The following ADARB2 variants were observed in gnomAD, a reference collection of about 807,000 sequenced individuals.
ADARB2 encodes adenosine deaminase RNA specific B2 (inactive).
A neutral mutation model predicts 62.2 loss-of-function variants in ADARB2; 25 were observed. That is an observed-to-expected ratio of 0.40 (90% confidence interval 0.29 to 0.56). ADARB2 has a LOEUF of 0.56. ADARB2 is among the 20% of genes least tolerant of loss of function. ADARB2 has a pLI of 0.43. For synonymous variants in ADARB2, 572 were observed against 500.8 expected (o/e 1.14, Z -1.90); for missense variants, 1,071 against 1,077.4 (o/e 0.99, Z 0.08).
Position 1,608,888 on chromosome 10 carries a change from C to A in ADARB2, c.100+128163G>T, listed in dbSNP as rs116162015. ...GGGACAGCATTTCCCTCCGCATTGC[C>A]GGCCCTCTGTCTTGAGCCCCTGCAG... On this transcript the variant is annotated intron_variant, in intron 1 of 9. Transcript: ENST00000381312. 2.6e-5 allele frequency among the ~76,000 whole-genome samples: 4 copies of A among 152,068 alleles called. No individual in the cohort carries two copies. In the East Asian group the frequency reaches 7.7e-4, roughly 29 times the overall value.
rs1026814568 is a variant in ADARB2, at chr10:1,363,847, C to G, written c.258G>C (p.Gly86=). The change falls in exon 3 of 10, where the codon GGG becomes GGC. Residue 86 remains glycine (G), a synonymous_variant. Coordinates refer to ENST00000381312, the MANE Select transcript of ADARB2 (RefSeq NM_018702.4). ...GNLAARPPPS[G]DRARGGAPGA... is the part of the protein sequence containing the mutation. Reference sequence around the variant, plus strand: ...CGGGCGCGCCGCCCCGGGCCCGGTCCCCGGAGGGCGGTGGCCGCGCGGCCA... The same window carrying G: ...CGGGCGCGCCGCCCCGGGCCCGGTCGCCGGAGGGCGGTGGCCGCGCGGCCA... 6.5e-7 allele frequency: 1 copy of G among 1,541,028 alleles called. No homozygotes were observed. The highest frequency in any genetic ancestry group is 1.4e-5 in the African/African-American group (1 of 72,262).
At chr10:1,235,193 C>T (rs913042275) in intron 5 of ADARB2, among the ~76,000 whole-genome samples, 5 of 147,962 alleles carry the variant, frequency 3.4e-5, no homozygotes, top group African/African-American at 1.3e-4. Flanking sequence ...CCTGAGTGGG[C>T]AGCTTGTGTG....
At chr10:1,369,629 T>G (rs1228138134) in intron 2 of ADARB2, among the ~76,000 whole-genome samples, 4 of 152,238 alleles carry the variant, frequency 2.6e-5, no homozygotes, top group Non-Finnish European at 4.4e-5. Flanking sequence ...AACATCATGA[T>G]GTACGCCTGA....
At chr10:1,416,618 C>T (rs1832804469) in intron 1 of ADARB2, among the ~76,000 whole-genome samples, 1 of 152,228 alleles carries the variant, frequency 6.6e-6, no homozygotes, top group African/African-American at 2.4e-5. Flanking sequence ...AGGCAGGGGC[C>T]CTGGAGTTTC....
rs1446113420 is a variant in ADARB2 at position 1,413,322 on chromosome 10, G to C, written c.101-34162C>G. Among the ~76,000 whole-genome samples, 4 of 152,170 alleles carry C rather than the reference G, an allele frequency of 2.6e-5. No individual in the cohort carries two copies. In the East Asian group the frequency reaches 5.8e-4, roughly 22 times the overall value. The stretch of plus-strand genomic sequence containing the variant: ...CGACACTGACACAGCACTGGGGAAG[G>C]GGGTGCTCTGTGGTTAGAAACGGCG... On this transcript the variant is annotated intron_variant, in intron 1 of 9. Transcript: ENST00000381312.
intron 1 of ADARB2, among the ~76,000 whole-genome samples, chr10:1,531,640 C>A (rs537754143): frequency 6.0e-4 from 91 of 152,248 alleles, no homozygotes; most frequent in African/African-American, 2.0e-3. Flanking sequence ...AGTTTGAGAC[C>A]ATCCTGGCCA....
intron 4 of ADARB2, among the ~76,000 whole-genome samples, chr10:1,259,937 A>G (rs1043183023): frequency 1.3e-5 from 2 of 152,230 alleles, no homozygotes; most frequent in African/African-American, 4.8e-5. Context: ...CAACACATCA[A>G]AAAGCTCATC....
intron 1 of ADARB2, among the ~76,000 whole-genome samples, chr10:1,423,870 C>G (rs1480592125): frequency 2.0e-5 from 3 of 152,074 alleles, no homozygotes; most frequent in Non-Finnish European, 4.4e-5. Flanking sequence ...GCAGTAAGAC[C>G]ACTATGTATG....
intron 1 of ADARB2, among the ~76,000 whole-genome samples, chr10:1,642,564 G>A (rs4880896): frequency 0.49 from 75,103 of 152,004 alleles, 20,777 homozygotes; most frequent in East Asian, 0.69. Context: ...CACCACATTG[G>A]TATAATTTAT....
At chr10:1,375,057 C>G (rs1183883719) in intron 2 of ADARB2, among the ~76,000 whole-genome samples, 2 of 152,100 alleles carry the variant, frequency 1.3e-5, no homozygotes, top group Non-Finnish European at 2.9e-5. Flanking sequence ...TTCAAAGACT[C>G]GTCACGCAGG....
At chr10:1,703,297 G>A (rs1834846937) in intron 1 of ADARB2, among the ~76,000 whole-genome samples, 1 of 152,140 alleles carries the variant, frequency 6.6e-6, no homozygotes. Context: ...CTGATGAGGA[G>A]GGTGACATTT....
intron 1 of ADARB2, among the ~76,000 whole-genome samples, chr10:1,496,722 T>C (rs1486998172): frequency 2.0e-5 from 3 of 152,156 alleles, no homozygotes; most frequent in Non-Finnish European, 4.4e-5. Flanking sequence ...ATCATCACCA[T>C]AATTAGCATC....
At chr10:1,480,672 T>G (rs1267228767) in intron 1 of ADARB2, among the ~76,000 whole-genome samples, 1 of 151,784 alleles carries the variant, frequency 6.6e-6, no homozygotes, top group Non-Finnish European at 1.5e-5. Flanking sequence ...CACTCCAACC[T>G]GGGTGAAAGA....
rs1348401756 is a variant in ADARB2, at chr10:1,540,629, C to G, written c.101-161469G>C. On this transcript the variant is annotated intron_variant, in intron 1 of 9. Coordinates refer to ENST00000381312, the MANE Select transcript of ADARB2 (RefSeq NM_018702.4). ...CTCAGACGCAGTTCGGACCCTGGAT[C>G]ACAGCCGTCCAGACCCCACTCAGAC... Among the ~76,000 whole-genome samples, 2 of 91,028 alleles carry G rather than the reference C, an allele frequency of 2.2e-5. 1 individual carries two copies. The highest frequency in any genetic ancestry group is 7.6e-5 in the African/African-American group (2 of 26,254). 59.7% of individuals were successfully genotyped at this position (91,028 alleles called of 152,430 possible). A position where few individuals can be genotyped will look rare whatever the true frequency, so the allele number is the denominator to read the frequency against.
chr10:1,667,502 A>G (rs1444520034), intron 1 of ADARB2, among the ~76,000 whole-genome samples: 1 of 152,252 alleles, frequency 6.6e-6, no homozygotes, highest in African/African-American at 2.4e-5. Flanking sequence ...TAAATCATCC[A>G]TTTACAAACA....
At chr10:1,617,554 C>T (rs940192839) in intron 1 of ADARB2, among the ~76,000 whole-genome samples, 17 of 132,532 alleles carry the variant, frequency 1.3e-4, no homozygotes, top group South Asian at 2.6e-4. Flanking sequence ...TACATTCTGT[C>T]GCTAGATGTT....
chr10:1,307,481 G>A (rs1831640429), intron 3 of ADARB2, among the ~76,000 whole-genome samples: 2 of 136,708 alleles, frequency 1.5e-5, no homozygotes, highest in Admixed American at 1.6e-4. Context: ...CACTGTTGGT[G>A]GGACTGTAAA....
At chr10:1,245,145 T>A (rs1054690915) in intron 4 of ADARB2, among the ~76,000 whole-genome samples, 1 of 151,876 alleles carries the variant, frequency 6.6e-6, no homozygotes, top group Non-Finnish European at 1.5e-5. Flanking sequence ...GCATGAGGAC[T>A]TAGGAAGCAC....
intron 1 of ADARB2, among the ~76,000 whole-genome samples, chr10:1,685,348 C>T (rs1834585073): frequency 1.3e-5 from 2 of 152,188 alleles, no homozygotes; most frequent in East Asian, 1.9e-4. Flanking sequence ...CAATCCTCAG[C>T]ACCGAGCAAC....
Sources: allele counts gnomAD v4.1 joint callset (sites outside exome capture counted in the v4.1 genomes callset), GRCh38; gene constraint gnomAD v4.1.1; transcripts MANE v1.5; gene names NCBI Gene and HGNC (gene_info 2026-07-23, HGNC 2026-07-21).